DSCAM: variants seen among roughly 807,000 people sequenced by gnomAD.
DSCAM encodes the protein cell adhesion molecule DSCAM.
A neutral mutation model predicts 217.7 loss-of-function variants in DSCAM; 47 were observed. The observed-to-expected ratio is 0.22, with a 90% confidence interval of 0.17 to 0.28. DSCAM has a LOEUF of 0.28. Among genes scored for constraint, DSCAM ranks in the 10% least tolerant of loss-of-function variants. DSCAM has a pLI of 1.00. For synonymous variants in DSCAM, 1,056 were observed against 1,015.3 expected, an observed-to-expected ratio of 1.04 and a Z score of -0.76; for missense variants, 2,080 against 2,618.3, an observed-to-expected ratio of 0.79 and a Z score of 4.49.
At chr21:40,722,232 A>G (rs1465640845) in intron 1 of DSCAM, among the ~76,000 whole-genome samples, 2 of 152,160 alleles carry the variant, frequency 1.3e-5, no homozygotes, top group Admixed American at 6.5e-5. Context: ...AAAGAAATGA[A>G]GAGTGACAAA....
chr21:40,142,703 C>T lies in DSCAM; in HGVS notation c.3261G>A (p.Val1087=), dbSNP rs2090307718. 1 of 1,613,242 alleles carries T rather than the reference C, an allele frequency of 6.2e-7. No homozygotes were observed. The highest frequency in any genetic ancestry group is 2.2e-5 in the East Asian group (1 of 44,868). The change falls in exon 18 of 33, where the codon GTG becomes GTA. Residue 1087 remains valine, a splice_region_variant and synonymous_variant. Transcript: ENST00000400454. ...GGACATTTTCGGGGGGGTAACTGGGCACTGAAATCAAATAATTAGAATCTG... is the reference window on the plus strand; with the variant it reads ...GGACATTTTCGGGGGGGTAACTGGGTACTGAAATCAAATAATTAGAATCTG... ...QEIITTTLED[V]PSYPPENVQA...
chr21:40,143,493 G>A (rs1418387203), intron 17 of DSCAM, among the ~76,000 whole-genome samples: 1 of 152,160 alleles, frequency 6.6e-6, no homozygotes. Context: ...ATCTGCCTCC[G>A]CAAACCTGTG....
rs750103421 is a variant in DSCAM, at chr21:40,258,000, T to C, written c.2356+18097A>G. 1.4e-4 allele frequency among the ~76,000 whole-genome samples: 21 copies of C among 152,198 alleles called. 1 individual carries two copies. Among genetic ancestry groups the C allele is most frequent in the Non-Finnish European group, 1.8e-4 (12 of 68,044 alleles). On this transcript the variant is annotated intron_variant, in intron 11 of 32. Transcript: ENST00000400454. The stretch of plus-strand genomic sequence containing the variant: ...CTTTTCTCCTCTTGCACATTTACAA[T>C]CAATGGCTACAGACTCAGAATTGTG...
At chr21:40,434,267 G>A (rs967721746) in intron 3 of DSCAM, among the ~76,000 whole-genome samples, 3 of 152,192 alleles carry the variant, frequency 2.0e-5, no homozygotes, top group African/African-American at 7.2e-5. Flanking sequence ...GCCAGAGCAG[G>A]TGTGAACACA....
intron 28 of DSCAM, among the ~76,000 whole-genome samples, chr21:40,060,231 C>T (rs1303464225): frequency 1.3e-5 from 2 of 152,188 alleles, no homozygotes. Flanking sequence ...TTAATTCCTC[C>T]TCTTATCAAC....
At chr21:40,036,592 A>G (rs369453776) in intron 32 of DSCAM, among the ~76,000 whole-genome samples, 262 of 147,444 alleles carry the variant, frequency 1.8e-3, no homozygotes, top group African/African-American at 4.9e-3. Flanking sequence ...GAGGTACAAG[A>G]AGGAACTGGT....
intron 30 of DSCAM, 50 bp from the exon 31 acceptor site, chr21:40,044,325 A>C: frequency 6.4e-7 from 1 of 1,566,470 alleles, no homozygotes. Context: ...GAGTGTGGTC[A>C]GCTGAGAGCA....
intron 2 of DSCAM, among the ~76,000 whole-genome samples, chr21:40,703,821 A>T (rs374556076): frequency 2.3e-4 from 35 of 152,108 alleles, no homozygotes; most frequent in African/African-American, 8.2e-4. Flanking sequence ...AAATTTCACC[A>T]TCCCTTCCCT....
intron 3 of DSCAM, among the ~76,000 whole-genome samples, chr21:40,539,530 G>A (rs936752141): frequency 2.0e-5 from 3 of 151,900 alleles, no homozygotes; most frequent in African/African-American, 7.3e-5. Context: ...AGAAAAATTG[G>A]GATTTCCAGT....
At chr21:40,185,360 G>A (rs73364118) in intron 14 of DSCAM, among the ~76,000 whole-genome samples, 9,935 of 152,206 alleles carry the variant, frequency 0.065, 907 homozygotes, top group African/African-American at 0.21. Flanking sequence ...GGTGAGATGC[G>A]CAAGCGAGGG....
intron 3 of DSCAM, among the ~76,000 whole-genome samples, chr21:40,598,873 T>G (rs1374327089): frequency 2.0e-5 from 3 of 152,188 alleles, no homozygotes; most frequent in Admixed American, 6.5e-5. Flanking sequence ...TATTGTAAGT[T>G]TTTTGAATTT....
Position 40,206,685 on chromosome 21 carries a change from CCAA to C in DSCAM, c.2357-17450_2357-17448del, listed in dbSNP as rs1212407818. Among the ~76,000 whole-genome samples, 7 of 108,446 alleles carry C rather than the reference CCAA, an allele frequency of 6.5e-5. 1 individual carries two copies. The highest frequency in any genetic ancestry group is 2.1e-4 in the African/African-American group (4 of 18,964). 71.1% of individuals were successfully genotyped at this position (108,446 alleles called of 152,430 possible). On this transcript the variant is annotated intron_variant, in intron 11 of 32. Transcript: ENST00000400454. ...TAATCCTTGCTTTTCCTGGGATTTGCCAAAAAAAAAAAAAAATGTTCAAAAGAA... is the reference window on the plus strand; with the variant it reads ...TAATCCTTGCTTTTCCTGGGATTTGCAAAAAAAAAAAAATGTTCAAAAGAA...
Position 40,017,633 on chromosome 21 carries a change from A to G in DSCAM, c.5687-4247T>C, listed in dbSNP as rs375196737. Among the ~76,000 whole-genome samples the G allele has an allele frequency of 5.8e-4, 88 of 150,632 alleles. 1 individual carries two copies. Among genetic ancestry groups the G allele is most frequent in the African/African-American group, 2.1e-3 (87 of 40,542 alleles). ...CTGGAGTGCAACTCGGTTCGCCACA[A>G]CCTCCACCTCCCGGTTCAAGCGATT... On this transcript the variant is annotated intron_variant, in intron 32 of 32. Coordinates refer to ENST00000400454, the MANE Select transcript of DSCAM (RefSeq NM_001389.5).
chr21:40,138,487 T>TGTGTG (rs2090241503), intron 18 of DSCAM, among the ~76,000 whole-genome samples: 2 of 146,334 alleles, frequency 1.4e-5, no homozygotes, highest in Non-Finnish European at 3.0e-5. Context: ...ATTGGGGGTG[T>TGTGTG]GTGTGGTGTG....
At chr21:40,033,161 G>A (rs779762782) in intron 32 of DSCAM, among the ~76,000 whole-genome samples, 1 of 152,104 alleles carries the variant, frequency 6.6e-6, no homozygotes, top group African/African-American at 2.4e-5. Flanking sequence ...ATTGTGCCTG[G>A]GGGGGAGGAG....
intron 3 of DSCAM, among the ~76,000 whole-genome samples, chr21:40,587,564 G>T (rs1601768436): frequency 6.6e-6 from 1 of 152,244 alleles, no homozygotes; most frequent in East Asian, 1.9e-4. Context: ...TTTTAAGAAT[G>T]CCTTTCAATA....
intron 4 of DSCAM, among the ~76,000 whole-genome samples, chr21:40,356,330 CAT>C (rs1249520646): frequency 1.6e-4 from 24 of 151,996 alleles, no homozygotes; most frequent in African/African-American, 5.5e-4. Context: ...CACATACATA[CAT>C]ACACACACAA....
chr21:40,611,366 A>G (rs997900687), intron 3 of DSCAM, among the ~76,000 whole-genome samples: 2 of 152,126 alleles, frequency 1.3e-5, no homozygotes, highest in Non-Finnish European at 2.9e-5. Context: ...CTAGTTTTCA[A>G]TTTTAATAAT....
At chr21:40,587,823 C>T (rs1307489501) in intron 3 of DSCAM, among the ~76,000 whole-genome samples, 1 of 152,004 alleles carries the variant, frequency 6.6e-6, no homozygotes, top group African/African-American at 2.4e-5. Context: ...TCCTTGTCAC[C>T]TTTTCATGAA....
Sources: gnomAD v4.1 joint callset for allele counts (sites outside exome capture counted in the v4.1 genomes callset) on GRCh38, gnomAD v4.1.1 for gene constraint, MANE v1.5 for transcripts, NCBI Gene and HGNC (gene_info 2026-07-23, HGNC 2026-07-21) for gene names.